ACTR3C: variants seen among roughly 807,000 people sequenced by gnomAD.
The protein encoded by ACTR3C is actin-related protein 3C.
In ACTR3C, 18 loss-of-function variants were observed where a neutral mutation model predicts 26.3. That is an observed-to-expected ratio of 0.68 (90% CI 0.47 to 1.01). The LOEUF is 1.01. ACTR3C is among the 50% of genes least tolerant of loss of function. ACTR3C has a pLI of 0.00. For missense variants in ACTR3C, 184 were observed against 250.7 expected (o/e 0.73, Z 1.80); for synonymous variants, 55 against 94.5 (o/e 0.58, Z 2.42).
rs1462623210 is a variant in ACTR3C at position 150,286,362 on chromosome 7, C to T, written c.471+5G>A. ...CTTGAGCACACAAAAAAAGAAACAC[C>T]TTACCTCCGGGTGAAAGAATATTTC... On this transcript the variant is annotated splice_donor_5th_base_variant and intron_variant, in intron 5 of 7. Transcript: ENST00000683684. 4.3e-6 allele frequency: 7 copies of T among 1,613,954 alleles called. No individual in the cohort carries two copies. The South Asian group carries it at 5.5e-5, about 13-fold the overall frequency.
chr7:149,995,610 G>T, the ACTR3C span, among the ~76,000 whole-genome samples: 8 of 152,396 alleles, frequency 5.2e-5, no homozygotes, highest in African/African-American at 1.7e-4. Flanking sequence ...TGAGGCTGGA[G>T]TGCACAGGAT....
the ACTR3C span, among the ~76,000 whole-genome samples, chr7:150,086,381 G>C: frequency 1.3e-5 from 2 of 152,214 alleles, no homozygotes; most frequent in African/African-American, 4.8e-5. Flanking sequence ...TCTATAAATG[G>C]GGGTGGAGGT....
the ACTR3C span, among the ~76,000 whole-genome samples, chr7:150,060,449 T>C: frequency 6.6e-6 from 1 of 152,214 alleles, no homozygotes. Context: ...CTTTCCCACC[T>C]ATGCCACACC....
the ACTR3C span, among the ~76,000 whole-genome samples, chr7:149,996,107 CAG>C: frequency 2.0e-5 from 3 of 152,164 alleles, no homozygotes; most frequent in East Asian, 1.9e-4. Flanking sequence ...TGGGACCAGA[CAG>C]AGAAAGATCA....
chr7:150,134,714 T>A, the ACTR3C span, among the ~76,000 whole-genome samples: 1 of 152,152 alleles, frequency 6.6e-6, no homozygotes, highest in Non-Finnish European at 1.5e-5. Flanking sequence ...ATCTTCCACA[T>A]CCCATCTGTC....
At chr7:149,947,554 G>A in the ACTR3C span, among the ~76,000 whole-genome samples, 2 of 98,214 alleles carry the variant, frequency 2.0e-5, no homozygotes, top group Non-Finnish European at 3.8e-5. Context: ...GCAGCCAGAA[G>A]GCAGGGCAGG....
At chr7:150,296,545 A>T (rs1048820704) in intron 1 of ACTR3C, among the ~76,000 whole-genome samples, 2 of 151,106 alleles carry the variant, frequency 1.3e-5, no homozygotes, top group Admixed American at 6.6e-5. Context: ...ACAATATACT[A>T]TGAACATTTT....
At chr7:149,958,861 T>C in the ACTR3C span, among the ~76,000 whole-genome samples, 1 of 152,244 alleles carries the variant, frequency 6.6e-6, no homozygotes, top group African/African-American at 2.4e-5. Context: ...CACTGGTCTA[T>C]GTTTTTCTGG....
At chr7:150,034,073 G>A in the ACTR3C span, among the ~76,000 whole-genome samples, 1 of 151,112 alleles carries the variant, frequency 6.6e-6, no homozygotes, top group Non-Finnish European at 1.5e-5. Flanking sequence ...CGCCTCGCGG[G>A]GGGTGCCTCC....
the ACTR3C span, among the ~76,000 whole-genome samples, chr7:150,181,749 G>A: frequency 1.3e-5 from 2 of 150,598 alleles, no homozygotes; most frequent in East Asian, 1.9e-4. Context: ...ATGAAAAATG[G>A]AGTAGACCTA....
the ACTR3C span, among the ~76,000 whole-genome samples, chr7:149,894,976 G>A: frequency 2.0e-5 from 3 of 151,642 alleles, no homozygotes; most frequent in Non-Finnish European, 4.4e-5. Flanking sequence ...ACCAAGATCT[G>A]GAATCAACCT....
the ACTR3C span, among the ~76,000 whole-genome samples, chr7:150,123,468 C>T: frequency 6.6e-6 from 1 of 152,136 alleles, no homozygotes; most frequent in Non-Finnish European, 1.5e-5. Flanking sequence ...CCTAGTGTAA[C>T]TTTGCTGCTA....
chr7:150,091,548 C>CAA, the ACTR3C span, among the ~76,000 whole-genome samples: 56 of 59,206 alleles, frequency 9.5e-4, no homozygotes, highest in African/African-American at 2.9e-3. Flanking sequence ...CATCAGCTTC[C>CAA]AAAAAAAAAG....
chr7:149,887,016 T>C, the ACTR3C span, among the ~76,000 whole-genome samples: 1 of 147,750 alleles, frequency 6.8e-6, no homozygotes, highest in East Asian at 2.0e-4. Flanking sequence ...AAGGAAGAGA[T>C]GAGTAGGGCA....
At chr7:149,903,558 T>C in the ACTR3C span, among the ~76,000 whole-genome samples, 2 of 151,572 alleles carry the variant, frequency 1.3e-5, no homozygotes, top group African/African-American at 4.9e-5. Context: ...TTGCTTGTTT[T>C]TGAGACAAAG....
intron 6 of ACTR3C, among the ~76,000 whole-genome samples, chr7:150,275,994 C>T (rs1415517931): frequency 3.9e-5 from 6 of 152,062 alleles, no homozygotes; most frequent in Non-Finnish European, 8.8e-5. Context: ...GCAACCTTAC[C>T]TTGCCGGATA....
chr7:149,995,561 A>C, the ACTR3C span, among the ~76,000 whole-genome samples: 1 of 152,276 alleles, frequency 6.6e-6, no homozygotes, highest in South Asian at 2.1e-4. Context: ...AGACAATTTT[A>C]ATACTGCGTT....
chr7:150,271,064 G>A (rs1472940862), intron 6 of ACTR3C, among the ~76,000 whole-genome samples: 3 of 147,968 alleles, frequency 2.0e-5, no homozygotes, highest in Admixed American at 2.0e-4. Flanking sequence ...CAGTGAGGTG[G>A]AACCCTGCCC....
At chr7:150,221,198 G>T in the ACTR3C span, among the ~76,000 whole-genome samples, 1 of 152,254 alleles carries the variant, frequency 6.6e-6, no homozygotes, top group Non-Finnish European at 1.5e-5. Flanking sequence ...TGACCAGGGC[G>T]GTATTTGGGG....
Sources: gnomAD v4.1 joint callset for allele counts (sites outside exome capture counted in the v4.1 genomes callset) on GRCh38, gnomAD v4.1.1 for gene constraint, MANE v1.5 for transcripts, NCBI Gene and HGNC (gene_info 2026-07-23, HGNC 2026-07-21) for gene names.